The following TDP1 variants were observed in gnomAD, a reference collection of about 807,000 sequenced individuals.
The protein encoded by TDP1 is tyrosyl-DNA phosphodiesterase 1.
A neutral mutation model predicts 81.5 loss-of-function variants in TDP1; 64 were observed. That is an observed-to-expected ratio of 0.79 (90% confidence interval 0.64 to 0.97). TDP1 has a LOEUF of 0.97. Ranked by LOEUF, TDP1 falls within the 50% of genes least tolerant of loss-of-function variation. The probability of loss-of-function intolerance (pLI) is 0.00; values close to 1 mark genes in which losing one functional copy is unlikely to be tolerated. For synonymous variants in TDP1, 256 were observed against 264.3 expected (o/e 0.97, Z 0.30); for missense variants, 723 against 743.8 (o/e 0.97, Z 0.33).
chr14:89,975,572 A>C (rs1046596682), intron 6 of TDP1: 1 of 793,270 alleles, frequency 1.3e-6, no homozygotes, highest in African/African-American at 2.1e-5. Context: ...TCTGGGTAAC[A>C]AAATTTGTGT....
intron 5 of TDP1, among the ~76,000 whole-genome samples, chr14:89,970,515 A>G (rs1430796884): frequency 6.6e-6 from 1 of 151,870 alleles, no homozygotes; most frequent in Non-Finnish European, 1.5e-5. Context: ...ATATTATATA[A>G]TAATTATTAT....
chr14:89,966,260 A>G (rs960204472), intron 4 of TDP1, 70 bp downstream of exon 4: 18 of 994,540 alleles, frequency 1.8e-5, no homozygotes, highest in Non-Finnish European at 2.6e-5. Context: ...TCCATAAGAA[A>G]ATATGAGAGG....
intron 14 of TDP1, among the ~76,000 whole-genome samples, chr14:89,994,668 A>G (rs1361465317): frequency 6.6e-6 from 1 of 152,226 alleles, no homozygotes; most frequent in Non-Finnish European, 1.5e-5. Flanking sequence ...GTGATGTTGT[A>G]TCCTAGTTGT....
chr14:89,993,226 G>A lies in TDP1; in HGVS notation c.1434-150G>A, dbSNP rs142207755. ...TAAAATGGGCATGCGTTACTTGAAT[G>A]GAGTTTCATAAAATCTCACAGGTCA... On this transcript the variant is annotated intron_variant, in intron 13 of 16. Coordinates refer to ENST00000335725, the MANE Select transcript of TDP1 (RefSeq NM_018319.4). 4.5e-4 allele frequency: 604 copies of A among 1,347,990 alleles called. 1 individual carries two copies. The African/African-American group carries it at 7.9e-3, about 18-fold the overall frequency. 83.5% of individuals were successfully genotyped at this position (1,347,990 alleles called of 1,614,324 possible).
At chr14:90,021,881 A>G (rs1485296421) in intron 15 of TDP1, among the ~76,000 whole-genome samples, 1 of 151,826 alleles carries the variant, frequency 6.6e-6, no homozygotes, top group Non-Finnish European at 1.5e-5. Flanking sequence ...TTGTTAGCAC[A>G]TCTCAAAAAA....
intron 2 of TDP1, among the ~76,000 whole-genome samples, chr14:89,962,571 T>C (rs1281289739): frequency 6.6e-6 from 1 of 152,100 alleles, no homozygotes; most frequent in Non-Finnish European, 1.5e-5. Context: ...AAAGTTTAGA[T>C]TGAAAGCCAA....
At chr14:90,012,229 A>G (rs1004247405) in intron 14 of TDP1, among the ~76,000 whole-genome samples, 2 of 152,180 alleles carry the variant, frequency 1.3e-5, no homozygotes, top group Non-Finnish European at 2.9e-5. Flanking sequence ...CTTACATTTC[A>G]AAGGATGTAT....
intron 6 of TDP1, among the ~76,000 whole-genome samples, chr14:89,972,673 A>T (rs1566857499): frequency 6.6e-6 from 1 of 152,388 alleles, no homozygotes; most frequent in South Asian, 2.1e-4. Flanking sequence ...AGAAAGGAAA[A>T]CAAGGAATAC....
At chr14:90,030,392 G>A (rs1445647670) in intron 15 of TDP1, among the ~76,000 whole-genome samples, 1 of 152,128 alleles carries the variant, frequency 6.6e-6, no homozygotes, top group Non-Finnish European at 1.5e-5. Context: ...TCAAGCCCTA[G>A]CTAAAATATC....
chr14:89,980,658 G>A (rs1194593099), intron 8 of TDP1, 26 bp downstream of exon 8: 1 of 1,566,398 alleles, frequency 6.4e-7, no homozygotes, highest in East Asian at 2.2e-5. Context: ...CTCACTTCCT[G>A]GCAGTGTGTG....
chr14:89,966,262 T>C (rs1892935196), intron 4 of TDP1, 72 bp downstream of exon 4: 9 of 988,792 alleles, frequency 9.1e-6, no homozygotes, highest in Non-Finnish European at 1.3e-5. Context: ...CATAAGAAAA[T>C]ATGAGAGGCA....
chr14:89,996,865 G>GA (rs556927518), intron 14 of TDP1, among the ~76,000 whole-genome samples: 83 of 152,296 alleles, frequency 5.4e-4, no homozygotes, highest in African/African-American at 1.9e-3. Context: ...CAAGAGCTGT[G>GA]AGGTGGCGTT....
At chr14:89,978,268 C>G (rs930584328) in intron 7 of TDP1, among the ~76,000 whole-genome samples, 1 of 152,264 alleles carries the variant, frequency 6.6e-6, no homozygotes, top group Admixed American at 6.5e-5. Flanking sequence ...CCAACAAGCT[C>G]TTCCGCTGGC....
chr14:89,986,831 C>A (rs35820682), intron 10 of TDP1, among the ~76,000 whole-genome samples: 1 of 152,122 alleles, frequency 6.6e-6, no homozygotes, highest in Non-Finnish European at 1.5e-5. Context: ...TAATGCCTAA[C>A]CTGTGTTAAG....
Position 89,984,675 on chromosome 14 carries a change from T to A in TDP1, c.1044T>A (p.Ser348=), listed in dbSNP as rs2274011. ...ATGTCATTCACAAGCACGATCTCTCTGAAACAAAGTATGTGTCAGCTTATC... is the reference window on the plus strand; with the variant it reads ...ATGTCATTCACAAGCACGATCTCTCAGAAACAAAGTATGTGTCAGCTTATC... ...WIDVIHKHDL[S]ETNVYLIGST... The change falls in exon 9 of 17, where the codon TCT becomes TCA. Residue 348 remains serine, a synonymous_variant. Coordinates refer to ENST00000335725, the MANE Select transcript of TDP1 (RefSeq NM_018319.4). 8 of 1,613,904 alleles carry A rather than the reference T, an allele frequency of 5.0e-6. No homozygotes were observed. The East Asian group carries it at 1.8e-4, about 36-fold the overall frequency.
rs541453571 is a variant in TDP1, at chr14:89,971,248, T to C, written c.733T>C (p.Tyr245His). The change falls in exon 6 of 17, where the codon TAC becomes CAC. Residue 245 changes from tyrosine (Y) to histidine (H), a missense_variant. Physicochemically the swap from Tyr to His is moderately conservative, Grantham distance 83. Coordinates refer to ENST00000335725, the MANE Select transcript of TDP1 (RefSeq NM_018319.4). ...KAHLHAQAKP[Y>H]ENISLCQAKL... ...TCACCTCCATGCCCAGGCCAAGCCT[T>C]ACGAGAACATCTCTCTCTGCCAGGT... The C allele has an allele frequency of 1.2e-6, 2 of 1,614,092 alleles. No individual in the cohort carries two copies. Among genetic ancestry groups the C allele is most frequent in the South Asian group, 1.1e-5 (1 of 91,090 alleles).
chr14:89,989,195 C>CTTT, intron 11 of TDP1, 105 bp downstream of exon 11: 25 of 748,546 alleles, frequency 3.3e-5, no homozygotes, highest in South Asian at 1.2e-4. Context: ...TTCTGTGATT[C>CTTT]TTTTTTTTTT....
intron 6 of TDP1, chr14:89,975,422 T>C: frequency 1.0e-6 from 1 of 985,360 alleles, no homozygotes; most frequent in Non-Finnish European, 1.2e-6. Context: ...TACCATTAAT[T>C]TCTGTATAAG....
At chr14:89,985,770 T>C (rs893603294) in intron 10 of TDP1, among the ~76,000 whole-genome samples, 5 of 152,204 alleles carry the variant, frequency 3.3e-5, no homozygotes, top group South Asian at 2.1e-4. Context: ...GGCTCACGCC[T>C]GTAATCCCAG....
Sources: allele counts gnomAD v4.1 joint callset (sites outside exome capture counted in the v4.1 genomes callset), GRCh38; gene constraint gnomAD v4.1.1; transcripts MANE v1.5; gene names NCBI Gene and HGNC (gene_info 2026-07-23, HGNC 2026-07-21).